Variants in CBX7 observed in about 807,000 individuals in gnomAD.
The protein encoded by CBX7 is chromobox protein homolog 7.
A neutral mutation model predicts 31.4 loss-of-function variants in CBX7; 14 were observed. That is an observed-to-expected ratio of 0.45 (90% confidence interval 0.29 to 0.70). The LOEUF (loss-of-function observed/expected upper bound fraction) is 0.70. CBX7 is among the 30% of genes least tolerant of loss of function. The pLI, the probability that CBX7 is intolerant of heterozygous loss-of-function variation, is 0.11. For synonymous variants in CBX7, 159 were observed against 152.6 expected, an observed-to-expected ratio of 1.04 and a Z score of -0.31; for missense variants, 269 against 351.9, an observed-to-expected ratio of 0.76 and a Z score of 1.89.
chr22:39,137,279 A>G (rs1930287592), intron 4 of CBX7, among the ~76,000 whole-genome samples: 1 of 136,296 alleles, frequency 7.3e-6, no homozygotes, highest in Non-Finnish European at 1.5e-5. Context: ...ACTTCCTTTG[A>G]ACATCATTTT....
rs1014678446 is a variant in CBX7, at chr22:39,132,959, A to G, written c.*932T>C. ...CCCGCAGCCTGGCCCGGTGCAGCCG[A>G]GAAACCACATCTGTATGCCTGGAGC... is the stretch of plus-strand genomic sequence containing the variant. On this transcript the variant is annotated 3_prime_UTR_variant, in exon 6 of 6. Coordinates refer to ENST00000216133, the MANE Select transcript of CBX7 (RefSeq NM_175709.5). 1.3e-5 allele frequency: 2 copies of G among 152,456 alleles called. No homozygotes were observed. Among genetic ancestry groups the G allele is most frequent in the Non-Finnish European group, 2.9e-5 (2 of 68,176 alleles). The allele number at this position is 152,456 out of a possible 1,614,324, so 9.4% of individuals were successfully genotyped here.
At position 39,152,115 on chromosome 22, in the gene CBX7, G is replaced by A. The variant is rs1930880420; in HGVS notation, c.69+261C>T. Among the ~76,000 whole-genome samples, 1 of 152,188 alleles carries A rather than the reference G, an allele frequency of 6.6e-6. No homozygotes were observed. The highest frequency in any genetic ancestry group is 2.4e-5 in the African/African-American group (1 of 41,456). On this transcript the variant is annotated intron_variant, in intron 1 of 5. Coordinates refer to ENST00000216133, the MANE Select transcript of CBX7 (RefSeq NM_175709.5). The surrounding 1 kb of genome is among the most constrained non-coding windows in gnomAD (Gnocchi z 4.9). ...AAGGGGAGCGAGGTGGGATGGCGCT[G>A]AGGATCCCTACGTCCGATCCTAATC... is the stretch of plus-strand genomic sequence containing the variant.
At chr22:39,137,450 G>A (rs1176109809) in intron 4 of CBX7, among the ~76,000 whole-genome samples, 1 of 152,112 alleles carries the variant, frequency 6.6e-6, no homozygotes, top group Non-Finnish European at 1.5e-5. Context: ...CCGGGCTCAA[G>A]TGACTGTCCT....
chr22:39,145,693 G>T (rs1364280292), intron 2 of CBX7, among the ~76,000 whole-genome samples: 3 of 150,108 alleles, frequency 2.0e-5, no homozygotes, highest in Non-Finnish European at 4.5e-5. Flanking sequence ...GGGGAGGGGC[G>T]CGCGCCGGGA....
Position 39,134,600 on chromosome 22 carries a change from G to A in CBX7, c.399C>T (p.Pro133=), listed in dbSNP as rs1031035840. The A allele has an allele frequency of 6.3e-6, 10 of 1,588,742 alleles. No homozygotes were observed. Among genetic ancestry groups the A allele is most frequent in the East Asian group, 2.3e-5 (1 of 43,636 alleles). ...PELVDKGPLV[P]TLPFPLRKPR... is the part of the protein sequence containing the mutation. ...GCTTGCGGAGCGGGAAGGGCAGGGTGGGCACCAAGGGGCCCTTGTCCACCA... is the reference window on the plus strand; with the variant it reads ...GCTTGCGGAGCGGGAAGGGCAGGGTAGGCACCAAGGGGCCCTTGTCCACCA... Residue 133 remains proline (P), a synonymous_variant, in exon 5 of 6, where the codon CCC becomes CCT. Coordinates refer to ENST00000216133, the MANE Select transcript of CBX7 (RefSeq NM_175709.5).
chr22:39,149,643 G>A (rs921435381), intron 2 of CBX7, 146 bp downstream of exon 2: 4 of 721,624 alleles, frequency 5.5e-6, no homozygotes, highest in Non-Finnish European at 7.4e-6. Context: ...GAGGCCCAGA[G>A]AAGATGATGA....
chr22:39,149,261 T>C (rs1930768741), intron 2 of CBX7: 1 of 154,570 alleles, frequency 6.5e-6, no homozygotes, highest in South Asian at 2.0e-4. Context: ...GCTTACCCTC[T>C]CTGAGCCTGT....
chr22:39,150,773 GA>G (rs938663907), intron 1 of CBX7, among the ~76,000 whole-genome samples: 7 of 149,148 alleles, frequency 4.7e-5, no homozygotes, highest in East Asian at 1.9e-4. Context: ...TTGGTGCCAA[GA>G]AAAAAAAAAG....
intron 2 of CBX7, 38 bp downstream of exon 2, chr22:39,149,743 GGGTCGGTA>G: frequency 6.3e-7 from 1 of 1,584,744 alleles, no homozygotes; most frequent in Non-Finnish European, 8.7e-7. Context: ...AGGAATGCAT[GGGTCGGTA>G]GGCAGACAGA....
chr22:39,141,463 T>G (rs1369304947), intron 2 of CBX7, 27 bp from the exon 3 acceptor site: 31 of 1,604,028 alleles, frequency 1.9e-5, no homozygotes, highest in Non-Finnish European at 2.6e-5. Flanking sequence ...AAGGTCAGAG[T>G]TGGGGCTGGG....
intron 2 of CBX7, chr22:39,147,002 G>GC (rs1930684189): frequency 6.6e-6 from 1 of 151,234 alleles, no homozygotes; most frequent in Non-Finnish European, 1.5e-5. Flanking sequence ...AAGCAAGAGA[G>GC]CCCCTCTGCC....
In CBX7 at chr22:39,149,518, G is replaced by C. The variant is rs1301831159; in HGVS notation, c.113+271C>G. ...CAGTTGCCAAGAAAAGCCACAGGGA[G>C]GGGAGGAGGGAGAGCAGAAGCTCCA... On this transcript the variant is annotated intron_variant, in intron 2 of 5. Transcript: ENST00000216133. 1.3e-5 allele frequency: 7 copies of C among 530,842 alleles called. No homozygotes were observed. In the East Asian group the frequency reaches 2.2e-4, roughly 17 times the overall value. 32.9% of individuals were successfully genotyped at this position (530,842 alleles called of 1,614,324 possible).
chr22:39,133,716 G>A lies in CBX7; in HGVS notation c.*175C>T, dbSNP rs573659569. 1 of 608,658 alleles carries A rather than the reference G, an allele frequency of 1.6e-6. No homozygotes were observed. The highest frequency in any genetic ancestry group is 3.5e-5 in the Admixed American group (1 of 28,356). The allele number at this position is 608,658 out of a possible 1,614,324, so 37.7% of individuals were successfully genotyped here. ...TCCATCCCCAGCCTGAGGCCTCGTGGTAAACGTCCCTCAGAGAAAGGGCAG... is the reference window on the plus strand; with the variant it reads ...TCCATCCCCAGCCTGAGGCCTCGTGATAAACGTCCCTCAGAGAAAGGGCAG... On this transcript the variant is annotated 3_prime_UTR_variant, in exon 6 of 6. Transcript: ENST00000216133.
chr22:39,149,659 T>G, intron 2 of CBX7, 130 bp downstream of exon 2: 2 of 780,810 alleles, frequency 2.6e-6, no homozygotes, highest in Non-Finnish European at 4.5e-6. Context: ...GATGATTAAA[T>G]CAAGGTCAGC....
intron 4 of CBX7, chr22:39,135,115 T>C (rs1930206236): frequency 4.8e-6 from 1 of 208,072 alleles, no homozygotes; most frequent in African/African-American, 2.3e-5. Flanking sequence ...GCATCTTTGC[T>C]TGCCAGAGCA....
intron 5 of CBX7, 95 bp downstream of exon 5, chr22:39,134,306 C>A: frequency 9.0e-7 from 1 of 1,106,314 alleles, no homozygotes; most frequent in Non-Finnish European, 1.3e-6. Context: ...CCCCACAAAG[C>A]ACTACAGGCC....
intron 4 of CBX7, among the ~76,000 whole-genome samples, chr22:39,137,220 C>T (rs1020253520): frequency 3.3e-5 from 5 of 152,134 alleles, no homozygotes; most frequent in Non-Finnish European, 7.3e-5. Flanking sequence ...TATATACTAG[C>T]TGAGCATCCC....
At position 39,140,576 on chromosome 22, in the gene CBX7, G is replaced by A. The variant is rs570867473; in HGVS notation, c.179+795C>T. ...GCCAGGTCCTTGCTCTGGGCTCCAGGTAAGAGCCTCAGTTTCCTTCTCTGT... is the reference window on the plus strand; with the variant it reads ...GCCAGGTCCTTGCTCTGGGCTCCAGATAAGAGCCTCAGTTTCCTTCTCTGT... On this transcript the variant is annotated intron_variant, in intron 3 of 5. Coordinates refer to ENST00000216133, the MANE Select transcript of CBX7 (RefSeq NM_175709.5). Among the ~76,000 whole-genome samples the A allele has an allele frequency of 4.1e-3, 618 of 152,290 alleles. 21 individuals are homozygous for A. Among genetic ancestry groups the A allele is most frequent in the Admixed American group, 0.038 (585 of 15,296 alleles).
Position 39,133,158 on chromosome 22 carries a change from G to A in CBX7, c.*733C>T, listed in dbSNP as rs1046161266. The A allele has an allele frequency of 2.0e-5, 3 of 152,244 alleles. No homozygotes were observed. The highest frequency in any genetic ancestry group is 7.2e-5 in the African/African-American group (3 of 41,446). 9.4% of individuals were successfully genotyped at this position (152,244 alleles called of 1,614,324 possible). On this transcript the variant is annotated 3_prime_UTR_variant, in exon 6 of 6. Coordinates refer to ENST00000216133, the MANE Select transcript of CBX7 (RefSeq NM_175709.5). The stretch of plus-strand genomic sequence containing the variant: ...TCTAACCCAGGTTCGCAAGGCCCAT[G>A]TGGACACGTCTGCAGCCACACATGC...
Sources: allele counts gnomAD v4.1 joint callset (sites outside exome capture counted in the v4.1 genomes callset), GRCh38; gene constraint gnomAD v4.1.1; non-coding constraint Gnocchi (gnomAD v3.1); transcripts MANE v1.5; gene names NCBI Gene and HGNC (gene_info 2026-07-23, HGNC 2026-07-21).